Variants in PTPRM observed in about 807,000 individuals in gnomAD.
PTPRM encodes protein tyrosine phosphatase receptor type M, also known as receptor-type tyrosine-protein phosphatase mu.
A neutral mutation model predicts 186.7 loss-of-function variants in PTPRM; 47 were observed. That is an observed-to-expected ratio of 0.25 (90% CI 0.20 to 0.32). PTPRM has a LOEUF of 0.32. Among genes scored for constraint, PTPRM ranks in the 10% least tolerant of loss-of-function variants. The pLI, the probability that PTPRM is intolerant of heterozygous loss-of-function variation, is 1.00. For missense variants in PTPRM, 1,494 were observed against 1,865.0 expected, an observed-to-expected ratio of 0.80 and a Z score of 3.66; for synonymous variants, 668 against 674.9, an observed-to-expected ratio of 0.99 and a Z score of 0.16.
chr18:7,715,292 G>T (rs983529074), intron 1 of PTPRM, among the ~76,000 whole-genome samples: 1 of 152,100 alleles, frequency 6.6e-6, no homozygotes, highest in African/African-American at 2.4e-5. Context: ...AAAGGCTTTT[G>T]ACAAAATTCA....
At chr18:8,138,896 G>A (rs1280900969) in intron 13 of PTPRM, among the ~76,000 whole-genome samples, 1 of 152,012 alleles carries the variant, frequency 6.6e-6, no homozygotes, top group Non-Finnish European at 1.5e-5. Context: ...GCTGCTCCGT[G>A]CGGATGCTCC....
intron 14 of PTPRM, among the ~76,000 whole-genome samples, chr18:8,195,607 A>C (rs978154956): frequency 1.3e-5 from 2 of 152,206 alleles, no homozygotes; most frequent in Admixed American, 1.3e-4. Flanking sequence ...AAGGAACTAG[A>C]GGCCATTATT....
At chr18:8,320,149 C>T (rs2095336644) in intron 22 of PTPRM, among the ~76,000 whole-genome samples, 1 of 152,156 alleles carries the variant, frequency 6.6e-6, no homozygotes, top group African/African-American at 2.4e-5. Context: ...TAGGCTACAT[C>T]CCAGGAACAG....
intron 14 of PTPRM, among the ~76,000 whole-genome samples, chr18:8,153,322 A>G (rs1330949081): frequency 6.6e-6 from 1 of 152,138 alleles, no homozygotes; most frequent in African/African-American, 2.4e-5. Flanking sequence ...TATTTCTGCA[A>G]TATTAATTCA....
intron 7 of PTPRM, among the ~76,000 whole-genome samples, chr18:8,006,006 G>A (rs920559763): frequency 3.4e-5 from 4 of 118,794 alleles, no homozygotes; most frequent in South Asian, 2.9e-4. Flanking sequence ...TTACAGTGAC[G>A]TAGCAGAGCA....
At chr18:8,136,673 A>G (rs2092646836) in intron 13 of PTPRM, among the ~76,000 whole-genome samples, 1 of 152,260 alleles carries the variant, frequency 6.6e-6, no homozygotes, top group Admixed American at 6.5e-5. Context: ...GTGACTGTAG[A>G]TTATTCCAGG....
intron 15 of PTPRM, 108 bp from the exon 16 acceptor site, chr18:8,247,737 G>A (rs571729543): frequency 3.0e-5 from 23 of 760,734 alleles, no homozygotes; most frequent in East Asian, 1.2e-4. Context: ...AGTGAGTCCC[G>A]GAGTCACCGT....
At chr18:7,954,105 G>A (rs768736000) in intron 6 of PTPRM, among the ~76,000 whole-genome samples, 12 of 152,148 alleles carry the variant, frequency 7.9e-5, no homozygotes, top group Non-Finnish European at 1.5e-4. Flanking sequence ...TCGGCATGTG[G>A]AATACCTTCA....
intron 2 of PTPRM, among the ~76,000 whole-genome samples, chr18:7,861,767 TGAGA>T (rs138096586): frequency 1.1e-4 from 16 of 148,064 alleles, no homozygotes; most frequent in South Asian, 2.1e-4. Flanking sequence ...TGTGTGTGTG[TGAGA>T]GAGAGAGAGA....
chr18:7,629,607 CAA>C (rs1160165565), intron 1 of PTPRM, among the ~76,000 whole-genome samples: 1 of 152,178 alleles, frequency 6.6e-6, no homozygotes, highest in South Asian at 2.1e-4. Context: ...TGGTTGTACT[CAA>C]GAGAGTGAAG....
intron 19 of PTPRM, among the ~76,000 whole-genome samples, chr18:8,267,422 T>G (rs1029398174): frequency 7.2e-5 from 11 of 152,140 alleles, no homozygotes; most frequent in African/African-American, 2.2e-4. Flanking sequence ...AAAAGAAATT[T>G]GGAAATTTTA....
At chr18:7,871,486 C>G (rs2047982757) in intron 2 of PTPRM, among the ~76,000 whole-genome samples, 1 of 152,200 alleles carries the variant, frequency 6.6e-6, no homozygotes, top group East Asian at 1.9e-4. Flanking sequence ...CAGTTGCTTA[C>G]TCTGTTAGAC....
At chr18:8,212,573 G>A (rs1472703870) in intron 14 of PTPRM, among the ~76,000 whole-genome samples, 1 of 152,116 alleles carries the variant, frequency 6.6e-6, no homozygotes, top group Non-Finnish European at 1.5e-5. Context: ...GGGGGGCCAA[G>A]GCAGGAGGAT....
chr18:7,948,224 T>C (rs2052684458), intron 5 of PTPRM, among the ~76,000 whole-genome samples: 1 of 151,728 alleles, frequency 6.6e-6, no homozygotes, highest in Admixed American at 6.6e-5. Context: ...CGTATTTGTC[T>C]ATGGGGGACT....
chr18:8,275,268 G>C (rs62091340), intron 19 of PTPRM, among the ~76,000 whole-genome samples: 1 of 151,498 alleles, frequency 6.6e-6, no homozygotes, highest in East Asian at 1.9e-4. Flanking sequence ...GTGAGACCCC[G>C]TCTCCAAAAA....
At chr18:8,237,650 TG>T (rs2094362230) in intron 14 of PTPRM, among the ~76,000 whole-genome samples, 1 of 152,036 alleles carries the variant, frequency 6.6e-6, no homozygotes, top group South Asian at 2.1e-4. Flanking sequence ...TTCACCATGT[TG>T]GTTAGGCTGG....
chr18:8,202,795 C>T (rs1358995806), intron 14 of PTPRM, among the ~76,000 whole-genome samples: 1 of 152,086 alleles, frequency 6.6e-6, no homozygotes, highest in Non-Finnish European at 1.5e-5. Flanking sequence ...CTCTCACCTC[C>T]TAGGCAATTA....
At chr18:7,619,220 A>G (rs2037878896) in intron 1 of PTPRM, among the ~76,000 whole-genome samples, 1 of 152,210 alleles carries the variant, frequency 6.6e-6, no homozygotes, top group South Asian at 2.1e-4. Flanking sequence ...GAATGTCTGG[A>G]TGCCAGGAAT....
chr18:8,239,977 T>G (rs1333831475), intron 14 of PTPRM, among the ~76,000 whole-genome samples: 2 of 152,194 alleles, frequency 1.3e-5, no homozygotes, highest in Non-Finnish European at 2.9e-5. Context: ...GAAAATAAAT[T>G]TACTTGTGTC....
Sources: gnomAD v4.1 joint callset for allele counts (sites outside exome capture counted in the v4.1 genomes callset) on GRCh38, gnomAD v4.1.1 for gene constraint, MANE v1.5 for transcripts, NCBI Gene and HGNC (gene_info 2026-07-23, HGNC 2026-07-21) for gene names.